The following OCA2 variants were observed in gnomAD, a reference collection of about 807,000 sequenced individuals.
OCA2 encodes OCA2 melanosomal transmembrane protein.
OCA2 carries 77 observed loss-of-function variants against 100.2 expected under a neutral mutation model. That is an observed-to-expected ratio of 0.77 (90% CI 0.64 to 0.93). OCA2 has a LOEUF of 0.93. Ranked by LOEUF, OCA2 falls within the 40% of genes least tolerant of loss-of-function variation. The pLI is 0.00. For missense variants in OCA2, 1,062 were observed against 1,089.1 expected (o/e 0.98, Z 0.35); for synonymous variants, 432 against 439.2 (o/e 0.98, Z 0.21).
chr15:27,901,460 G>A (rs2037928783), intron 19 of OCA2, among the ~76,000 whole-genome samples: 1 of 152,180 alleles, frequency 6.6e-6, no homozygotes, highest in Admixed American at 6.5e-5. Flanking sequence ...CAGGCCACTA[G>A]AGCTCCCATC....
At chr15:27,771,494 C>A (rs2031861041) in intron 23 of OCA2, among the ~76,000 whole-genome samples, 1 of 152,032 alleles carries the variant, frequency 6.6e-6, no homozygotes, top group African/African-American at 2.4e-5. Flanking sequence ...GGGGGGTGCT[C>A]CGTGGCCGCG....
chr15:28,002,691 G>A (rs1389862899), intron 9 of OCA2, among the ~76,000 whole-genome samples: 1 of 152,136 alleles, frequency 6.6e-6, no homozygotes, highest in South Asian at 2.1e-4. Context: ...GGCCACGCGG[G>A]AGCCTCACAG....
chr15:27,955,890 C>T (rs1359408937), intron 16 of OCA2, among the ~76,000 whole-genome samples: 1 of 152,156 alleles, frequency 6.6e-6, no homozygotes, highest in Non-Finnish European at 1.5e-5. Context: ...GCCCACCCCT[C>T]CTGGCTGACT....
chr15:27,815,957 C>A (rs1351117906), intron 23 of OCA2, among the ~76,000 whole-genome samples: 1 of 152,084 alleles, frequency 6.6e-6, no homozygotes, highest in Non-Finnish European at 1.5e-5. Context: ...CATGGAGAAA[C>A]CCCGTCTCTA....
chr15:27,860,750 G>A (rs1202900501), intron 21 of OCA2, among the ~76,000 whole-genome samples: 1 of 152,208 alleles, frequency 6.6e-6, no homozygotes, highest in Non-Finnish European at 1.5e-5. Flanking sequence ...GAGTAGCATA[G>A]TGATGGACAC....
chr15:28,070,553 TCCGCCCGGCCAG>T (rs1462555446), intron 2 of OCA2, among the ~76,000 whole-genome samples: 1 of 122,370 alleles, frequency 8.2e-6, no homozygotes, highest in Non-Finnish European at 1.7e-5. Context: ...GGGTCAGCCC[TCCGCCCGGCCAG>T]CCGCCCCGTC....
chr15:28,098,315 T>C lies in OCA2; in HGVS notation c.-22+909A>G, dbSNP rs542634445. 2.0e-5 allele frequency among the ~76,000 whole-genome samples: 3 copies of C among 152,374 alleles called. No homozygotes were observed. The South Asian group carries it at 6.2e-4, about 32-fold the overall frequency. ...TCATTAGTTCTTCTATGAGAGATAG[T>C]TATCCCCAGATGCGTTCAATGCTCA... is the stretch of plus-strand genomic sequence containing the variant. On this transcript the variant is annotated intron_variant, in intron 1 of 23. Coordinates refer to ENST00000354638, the MANE Select transcript of OCA2 (RefSeq NM_000275.3).
At chr15:27,720,297 CA>C in the OCA2 span, among the ~76,000 whole-genome samples, 3 of 151,548 alleles carry the variant, frequency 2.0e-5, no homozygotes, top group African/African-American at 7.3e-5. Context: ...AGAGAAAGAA[CA>C]GGGGTGGGAG....
At chr15:27,961,120 C>A (rs952327509) in intron 15 of OCA2, among the ~76,000 whole-genome samples, 1 of 151,962 alleles carries the variant, frequency 6.6e-6, no homozygotes, top group Non-Finnish European at 1.5e-5. Flanking sequence ...AAAACAACCC[C>A]ATCAAAAAGT....
chr15:27,845,645 A>G (rs1267652748), intron 22 of OCA2, among the ~76,000 whole-genome samples: 1 of 151,980 alleles, frequency 6.6e-6, no homozygotes, highest in African/African-American at 2.4e-5. Context: ...CACTTGGGTC[A>G]TGAGATCCAA....
chr15:27,840,558 G>A (rs1282727641), intron 23 of OCA2, among the ~76,000 whole-genome samples: 1 of 152,064 alleles, frequency 6.6e-6, no homozygotes, highest in Non-Finnish European at 1.5e-5. Flanking sequence ...ACTGGGGAGG[G>A]ACAGCCATCC....
At chr15:28,082,933 AT>A (rs2044698724) in intron 1 of OCA2, among the ~76,000 whole-genome samples, 1 of 151,966 alleles carries the variant, frequency 6.6e-6, no homozygotes. Context: ...TCACCATTTT[AT>A]TTTTTGCATT....
chr15:28,012,611 T>C (rs541639152), intron 9 of OCA2, among the ~76,000 whole-genome samples: 26 of 152,358 alleles, frequency 1.7e-4, no homozygotes, highest in African/African-American at 6.0e-4. Flanking sequence ...ACAGGACTTT[T>C]AAAATCTAGA....
chr15:27,777,839 CTTA>C (rs1389378696), intron 23 of OCA2, among the ~76,000 whole-genome samples: 4 of 152,270 alleles, frequency 2.6e-5, no homozygotes, highest in South Asian at 4.1e-4. Flanking sequence ...TTCTGACTGC[CTTA>C]TTATTTGCTG....
At chr15:27,887,625 T>G (rs1366258194) in intron 19 of OCA2, among the ~76,000 whole-genome samples, 1 of 149,658 alleles carries the variant, frequency 6.7e-6, no homozygotes, top group Non-Finnish European at 1.5e-5. Flanking sequence ...CTCTTTTTTT[T>G]TTTTTTTTTG....
At chr15:27,961,169 A>T (rs1202244333) in intron 15 of OCA2, among the ~76,000 whole-genome samples, 2 of 152,240 alleles carry the variant, frequency 1.3e-5, no homozygotes, top group Non-Finnish European at 2.9e-5. Flanking sequence ...AAAAGAAGAC[A>T]TTTATGCGAC....
intron 15 of OCA2, among the ~76,000 whole-genome samples, chr15:27,958,999 A>T (rs1355406357): frequency 6.6e-6 from 1 of 152,154 alleles, no homozygotes; most frequent in Non-Finnish European, 1.5e-5. Flanking sequence ...TCAGTACGTG[A>T]GTGCTCATCA....
intron 23 of OCA2, among the ~76,000 whole-genome samples, chr15:27,786,816 C>G (rs1057105743): frequency 6.6e-6 from 1 of 152,110 alleles, no homozygotes; most frequent in Non-Finnish European, 1.5e-5. Context: ...TATGATTAAA[C>G]TTGCCAGAAC....
intron 23 of OCA2, among the ~76,000 whole-genome samples, chr15:27,799,126 T>G (rs2033475901): frequency 1.4e-5 from 1 of 72,122 alleles, no homozygotes; most frequent in South Asian, 1.0e-3. Flanking sequence ...TTCTTTGCAA[T>G]CGTCAGGCAA....
Sources: gnomAD v4.1 joint callset for allele counts (sites outside exome capture counted in the v4.1 genomes callset) on GRCh38, gnomAD v4.1.1 for gene constraint, MANE v1.5 for transcripts, NCBI Gene and HGNC (gene_info 2026-07-23, HGNC 2026-07-21) for gene names.